MAPK10: variants seen among roughly 807,000 people sequenced by gnomAD.
The protein encoded by MAPK10 is JNK3 alpha protein kinase.
MAPK10 carries 25 observed loss-of-function variants against 59.3 expected under a neutral mutation model. The observed-to-expected ratio is 0.42, with a 90% CI of 0.31 to 0.59. The LOEUF is 0.59. Among genes scored for constraint, MAPK10 ranks in the 20% least tolerant of loss-of-function variants. MAPK10 has a pLI of 0.15. For synonymous variants in MAPK10, 190 were observed against 200.5 expected (o/e 0.95, Z 0.44); for missense variants, 351 against 568.9 (o/e 0.62, Z 3.90).
intron 2 of MAPK10, among the ~76,000 whole-genome samples, chr4:86,226,046 A>G (rs1378272677): frequency 6.6e-6 from 1 of 152,256 alleles, no homozygotes; most frequent in African/African-American, 2.4e-5. Context: ...ATGACAGCAT[A>G]TAGGATAATA....
intron 2 of MAPK10, among the ~76,000 whole-genome samples, chr4:86,351,536 T>C (rs569964151): frequency 1.3e-5 from 2 of 152,152 alleles, no homozygotes; most frequent in Non-Finnish European, 2.9e-5. Context: ...GTCCAGTTGT[T>C]TGTTACATAT....
At position 86,011,915 on chromosome 4, in the gene MAPK10, A is replaced by C. The variant is rs894661652; in HGVS notation, c.*5313T>G. ...CTGCAAAGTAAACTAATGCAAGTGC[A>C]GTGACCTCTTCATCCAGCCACAAAA... On this transcript the variant is annotated 3_prime_UTR_variant, in exon 14 of 14. Transcript: ENST00000641462. 2 of 152,244 alleles carry C rather than the reference A, an allele frequency of 1.3e-5. No individual in the cohort carries two copies. The highest frequency in any genetic ancestry group is 3.8e-4 in the East Asian group (2 of 5,196). 9.4% of individuals were successfully genotyped at this position (152,244 alleles called of 1,614,324 possible).
chr4:86,102,352 A>G (rs1164940266), intron 6 of MAPK10: 1 of 234,028 alleles, frequency 4.3e-6, no homozygotes, highest in Non-Finnish European at 8.4e-6. Context: ...AAAATTAAGG[A>G]CAGCTTCTTC....
At chr4:86,158,093 C>G (rs2068391238) in intron 4 of MAPK10, among the ~76,000 whole-genome samples, 1 of 151,980 alleles carries the variant, frequency 6.6e-6, no homozygotes, top group African/African-American at 2.4e-5. Context: ...AGAATCTTTA[C>G]TATACCATGT....
intron 4 of MAPK10, among the ~76,000 whole-genome samples, chr4:86,116,548 G>T (rs2058320317): frequency 6.6e-6 from 1 of 152,216 alleles, no homozygotes; most frequent in African/African-American, 2.4e-5. Flanking sequence ...GATCATGCAA[G>T]ACAGTGGGCC....
At chr4:86,278,016 T>C (rs1383727204) in intron 2 of MAPK10, among the ~76,000 whole-genome samples, 1 of 152,138 alleles carries the variant, frequency 6.6e-6, no homozygotes, top group Non-Finnish European at 1.5e-5. Flanking sequence ...GTACCTCAGT[T>C]ATAAGTAAAA....
At chr4:86,443,408 A>C (rs1749646955) in intron 1 of MAPK10, among the ~76,000 whole-genome samples, 1 of 151,774 alleles carries the variant, frequency 6.6e-6, no homozygotes, top group African/African-American at 2.4e-5. Flanking sequence ...GCAGAAGCCA[A>C]AATATCCAAC....
chr4:86,103,224 G>A lies in MAPK10; in HGVS notation c.387C>T (p.Val129=), dbSNP rs1251207305. Reference sequence around the variant, plus strand: ...CCTCCAGCGTTTTCTGGGGTGTGAAGACATTTAATAAACTAATAATCTGAA... The same window carrying A: ...CCTCCAGCGTTTTCTGGGGTGTGAAAACATTTAATAAACTAATAATCTGAA... ...NHKNIISLLN[V]FTPQKTLEEF... Residue 129 remains valine, a synonymous_variant, in exon 6 of 14, where the codon GTC becomes GTT. Transcript: ENST00000641462. The A allele has an allele frequency of 1.3e-6, 2 of 1,599,454 alleles. No individual in the cohort carries two copies. The highest frequency in any genetic ancestry group is 1.7e-6 in the Non-Finnish European group (2 of 1,167,132).
At chr4:86,146,014 G>C (rs549836951) in intron 4 of MAPK10, among the ~76,000 whole-genome samples, 2 of 152,152 alleles carry the variant, frequency 1.3e-5, no homozygotes, top group African/African-American at 4.8e-5. Flanking sequence ...ACCTTGAAGA[G>C]GACAGTACCA....
At chr4:86,565,361 G>A (rs912878421) in intron 1 of MAPK10, among the ~76,000 whole-genome samples, 6 of 152,050 alleles carry the variant, frequency 3.9e-5, no homozygotes, top group African/African-American at 1.4e-4. Flanking sequence ...AGAGTAGACA[G>A]GAACAAATCT....
chr4:86,288,163 T>C (rs755285620), intron 2 of MAPK10, among the ~76,000 whole-genome samples: 5 of 152,060 alleles, frequency 3.3e-5, no homozygotes, highest in Non-Finnish European at 4.4e-5. Context: ...CTAATGTTTT[T>C]TGTTTTTTTT....
At chr4:86,392,090 G>C (rs1410759909) in intron 1 of MAPK10, among the ~76,000 whole-genome samples, 1 of 152,168 alleles carries the variant, frequency 6.6e-6, no homozygotes, top group African/African-American at 2.4e-5. Flanking sequence ...CATGCTGTGA[G>C]CCTGGAACTC....
chr4:86,274,493 A>C (rs1223624095), intron 2 of MAPK10, among the ~76,000 whole-genome samples: 3 of 151,682 alleles, frequency 2.0e-5, no homozygotes, highest in Non-Finnish European at 2.9e-5. Context: ...CCCACACCTC[A>C]GCTTTCTCGC....
At chr4:86,426,141 C>T (rs1157584529) in intron 1 of MAPK10, among the ~76,000 whole-genome samples, 1 of 152,164 alleles carries the variant, frequency 6.6e-6, no homozygotes, top group Non-Finnish European at 1.5e-5. Context: ...ATTTTGCTTA[C>T]ATTATTTCAC....
At chr4:86,592,373 G>A (rs1763108341) in intron 1 of MAPK10, among the ~76,000 whole-genome samples, 1 of 151,542 alleles carries the variant, frequency 6.6e-6, no homozygotes, top group Admixed American at 6.6e-5. Flanking sequence ...AAAACACGAA[G>A]AAGAAAAAGA....
intron 1 of MAPK10, among the ~76,000 whole-genome samples, chr4:86,575,030 G>C (rs1761773893): frequency 6.6e-6 from 1 of 152,188 alleles, no homozygotes. Flanking sequence ...CAGTAAAATA[G>C]ATTGCCCTTC....
At chr4:86,168,225 C>T (rs551393772) in intron 3 of MAPK10, among the ~76,000 whole-genome samples, 1 of 152,336 alleles carries the variant, frequency 6.6e-6, no homozygotes, top group Non-Finnish European at 1.5e-5. Flanking sequence ...ACAGTGGGTG[C>T]AACGCACCGT....
intron 4 of MAPK10, among the ~76,000 whole-genome samples, chr4:86,123,225 G>T (rs28435171): frequency 6.6e-6 from 1 of 151,724 alleles, no homozygotes; most frequent in East Asian, 1.9e-4. Context: ...ACATAACAGG[G>T]TTTTCTTCTT....
In MAPK10 at chr4:86,211,317, T is replaced by C. The variant is rs1231684581; in HGVS notation, c.-6-16910A>G. ...TTGAAAGCCAAAGACAAAGAGAGAA[T>C]ATTGAAAGCAGTGAGAAAGAAGTGA... On this transcript the variant is annotated intron_variant, in intron 2 of 13. Transcript: ENST00000641462. 2.6e-5 allele frequency among the ~76,000 whole-genome samples: 4 copies of C among 151,992 alleles called. No individual in the cohort carries two copies. In the East Asian group the frequency reaches 5.8e-4, roughly 22 times the overall value.
Sources: allele counts gnomAD v4.1 joint callset (sites outside exome capture counted in the v4.1 genomes callset), GRCh38; gene constraint gnomAD v4.1.1; transcripts MANE v1.5; gene names NCBI Gene and HGNC (gene_info 2026-07-23, HGNC 2026-07-21).